ATP5PF: variants seen among roughly 807,000 people sequenced by gnomAD.
The protein encoded by ATP5PF is ATP synthase peripheral stalk subunit F6.
In ATP5PF, 7 loss-of-function variants were observed where a neutral mutation model predicts 12.0. That is an observed-to-expected ratio of 0.58 (90% CI 0.33 to 1.10). The LOEUF is 1.10. ATP5PF is among the 50% of genes least tolerant of loss of function. The pLI is 0.03. For missense variants in ATP5PF, 120 were observed against 127.7 expected (o/e 0.94, Z 0.29); for synonymous variants, 41 against 45.4 (o/e 0.90, Z 0.39).
intron 1 of ATP5PF, among the ~76,000 whole-genome samples, chr21:25,733,913 T>C (rs1249201156): frequency 1.3e-5 from 2 of 152,228 alleles, no homozygotes; most frequent in Non-Finnish European, 2.9e-5. Flanking sequence ...TTATCCACCA[T>C]GTAAGTGCCT....
chr21:25,726,029 C>T (rs2034610168), intron 2 of ATP5PF, among the ~76,000 whole-genome samples: 1 of 152,160 alleles, frequency 6.6e-6, no homozygotes, highest in Non-Finnish European at 1.5e-5. Context: ...ACTGCGTAAA[C>T]CTGAGTAAGG....
At chr21:25,729,925 C>G in intron 1 of ATP5PF, 124 bp from the exon 2 acceptor site, 1 of 1,117,950 alleles carries the variant, frequency 8.9e-7, no homozygotes, top group South Asian at 1.9e-5. Flanking sequence ...TCAGTCTATA[C>G]CTGACCACAG....
chr21:25,733,577 T>C (rs923941965), intron 1 of ATP5PF, among the ~76,000 whole-genome samples: 14 of 150,612 alleles, frequency 9.3e-5, no homozygotes, highest in African/African-American at 3.2e-4. Flanking sequence ...ACTTAACACA[T>C]ATATGCAAAA....
At chr21:25,735,402 A>AG (rs952900650), upstream of ATP5PF, 19 of 180,532 alleles carry the variant, frequency 1.1e-4, no homozygotes, top group Admixed American at 7.0e-4. Flanking sequence ...GGGAGGCGGG[A>AG]GGGGGGTTGG....
chr21:25,734,571 C>T, intron 1 of ATP5PF: 1 of 440,140 alleles, frequency 2.3e-6, no homozygotes, highest in Non-Finnish European at 3.5e-6. Flanking sequence ...CCTTGGGTTG[C>T]CCCAGCCAGG....
At chr21:25,730,810 A>G (rs562082713) in intron 1 of ATP5PF, among the ~76,000 whole-genome samples, 10 of 148,140 alleles carry the variant, frequency 6.8e-5, no homozygotes, top group Admixed American at 2.7e-4. Flanking sequence ...GACTTCCTTA[A>G]GCTAAAATAT....
At chr21:25,734,506 C>T in intron 1 of ATP5PF, 1 of 649,720 alleles carries the variant, frequency 1.5e-6, no homozygotes, top group South Asian at 4.6e-5. Context: ...AGCCTAGACG[C>T]TCCCGTGCGC....
intron 2 of ATP5PF, among the ~76,000 whole-genome samples, chr21:25,729,014 A>C (rs1269672584): frequency 6.6e-6 from 1 of 152,200 alleles, no homozygotes; most frequent in African/African-American, 2.4e-5. Flanking sequence ...TTTGGACCTG[A>C]TGACAGCTAA....
intron 3 of ATP5PF, 65 bp from the exon 4 acceptor site, chr21:25,724,742 G>A: frequency 1.3e-6 from 2 of 1,494,626 alleles, no homozygotes; most frequent in South Asian, 2.4e-5. Context: ...TATGTAGAAT[G>A]CTCAAGATTT....
chr21:25,725,480 G>GA, intron 2 of ATP5PF, 130 bp from the exon 3 acceptor site: 1 of 1,095,076 alleles, frequency 9.1e-7, no homozygotes, highest in Non-Finnish European at 1.2e-6. Context: ...TTGCTTGGTC[G>GA]CCAGGCTGGA....
intron 1 of ATP5PF, among the ~76,000 whole-genome samples, chr21:25,732,168 T>G (rs2034799989): frequency 6.6e-6 from 1 of 152,120 alleles, no homozygotes; most frequent in African/African-American, 2.4e-5. Context: ...GGCAATGTCT[T>G]TAGACATTTT....
intron 1 of ATP5PF, among the ~76,000 whole-genome samples, chr21:25,732,423 G>A (rs988963267): frequency 3.2e-4 from 48 of 151,534 alleles, no homozygotes; most frequent in African/African-American, 1.2e-3. Flanking sequence ...AAGGCAGGAG[G>A]ATCACTTAAG....
At chr21:25,731,758 G>A (rs2034785192) in intron 1 of ATP5PF, among the ~76,000 whole-genome samples, 1 of 151,990 alleles carries the variant, frequency 6.6e-6, no homozygotes, top group Admixed American at 6.6e-5. Context: ...TACAAACTAT[G>A]TTATTGGTCT....
rs2034956778 is a variant in ATP5PF, at chr21:25,734,810, G to A, written c.-8+43C>T. The stretch of plus-strand genomic sequence containing the variant: ...GGCCTCGTGAAAAAACCCAGAACTG[G>A]AGTCCCAAAAGGCCACGCTGATCTA... On this transcript the variant is annotated intron_variant, in intron 1 of 3. Transcript: ENST00000284971. 5 of 1,514,654 alleles carry A rather than the reference G, an allele frequency of 3.3e-6. No individual in the cohort carries two copies. In the South Asian group the frequency reaches 6.1e-5, roughly 18 times the overall value. 93.8% of individuals were successfully genotyped at this position (1,514,654 alleles called of 1,614,324 possible).
At chr21:25,725,482 C>T in intron 2 of ATP5PF, 132 bp from the exon 3 acceptor site, 1 of 1,053,394 alleles carries the variant, frequency 9.5e-7, no homozygotes, top group Non-Finnish European at 1.3e-6. Context: ...GCTTGGTCGC[C>T]AGGCTGGAGT....
At chr21:25,732,216 A>C (rs1202880532) in intron 1 of ATP5PF, among the ~76,000 whole-genome samples, 1 of 152,212 alleles carries the variant, frequency 6.6e-6, no homozygotes, top group Non-Finnish European at 1.5e-5. Flanking sequence ...CTGGCTTATA[A>C]TGAGTACAAA....
chr21:25,725,986 GT>G (rs2034609122), intron 2 of ATP5PF, among the ~76,000 whole-genome samples: 1 of 152,134 alleles, frequency 6.6e-6, no homozygotes, highest in Admixed American at 6.5e-5. Flanking sequence ...TCAAAGACTG[GT>G]CCTGTTTGAG....
At chr21:25,726,348 G>A (rs1173677605) in intron 2 of ATP5PF, among the ~76,000 whole-genome samples, 8 of 152,210 alleles carry the variant, frequency 5.3e-5, no homozygotes, top group African/African-American at 1.2e-4. Flanking sequence ...GATGTGATGA[G>A]CTTCAAAGAC....
chr21:25,725,466 A>C, intron 2 of ATP5PF, 116 bp from the exon 3 acceptor site: 4 of 1,237,844 alleles, frequency 3.2e-6, no homozygotes, highest in Non-Finnish European at 4.3e-6. Flanking sequence ...TTTGAGACGG[A>C]GTCTTGCTTG....
Sources: gnomAD v4.1 joint callset for allele counts (sites outside exome capture counted in the v4.1 genomes callset) on GRCh38, gnomAD v4.1.1 for gene constraint, MANE v1.5 for transcripts, NCBI Gene and HGNC (gene_info 2026-07-23, HGNC 2026-07-21) for gene names.